The following NDUFAF6 variants were observed in gnomAD, a reference collection of about 807,000 sequenced individuals.
The protein encoded by NDUFAF6 is NADH:ubiquinone oxidoreductase complex assembly factor 6, also known as NADH dehydrogenase (ubiquinone) complex I, assembly factor 6.
A neutral mutation model predicts 40.8 loss-of-function variants in NDUFAF6; 45 were observed. That is an observed-to-expected ratio of 1.10 (90% CI 0.87 to 1.42). NDUFAF6 has a LOEUF of 1.42. Ranked by LOEUF, NDUFAF6 falls within the 40% of genes most tolerant of loss-of-function variation. The pLI, the probability that NDUFAF6 is intolerant of heterozygous loss-of-function variation, is 0.00. For missense variants in NDUFAF6, 435 were observed against 418.5 expected, an observed-to-expected ratio of 1.04 and a Z score of -0.34; for synonymous variants, 185 against 155.9, an observed-to-expected ratio of 1.19 and a Z score of -1.39.
chr8:95,031,711 G>A (rs548636299), intron 1 of NDUFAF6, among the ~76,000 whole-genome samples: 21 of 152,026 alleles, frequency 1.4e-4, no homozygotes, highest in African/African-American at 2.4e-4. Context: ...AGCAGTTCTC[G>A]GGCCTCAGCC....
At position 94,939,546 on chromosome 8, in the gene NDUFAF6, C is replaced by T. The variant is rs988159103; in HGVS notation, c.-935-5937C>T. The T allele has an allele frequency of 2.5e-5, 8 of 320,638 alleles. No individual in the cohort carries two copies. In the Admixed American group the frequency reaches 2.6e-4, roughly 10 times the overall value. 19.9% of individuals were successfully genotyped at this position (320,638 alleles called of 1,614,324 possible). On this transcript the variant is annotated intron_variant, in intron 1 of 14. Coordinates refer to the NDUFAF6 transcript ENST00000396113. ...GAGTAGCTGGGACTACAGGTGTGCA[C>T]CACCACACCTGGCTAATTTTTTGTT... is the stretch of plus-strand genomic sequence containing the variant.
intron 4 of NDUFAF6, among the ~76,000 whole-genome samples, chr8:95,043,661 A>G (rs1299922888): frequency 6.6e-6 from 1 of 152,210 alleles, no homozygotes; most frequent in Admixed American, 6.5e-5. Context: ...GAGAAATGCA[A>G]ATTGAAACAA....
Position 95,113,539 on chromosome 8 carries a change from C to T in NDUFAF6, n.345-1997C>T, listed in dbSNP as rs11990635. Among the ~76,000 whole-genome samples the T allele has an allele frequency of 2.4e-3, 370 of 152,286 alleles. 2 individuals carry two copies. Among genetic ancestry groups the T allele is most frequent in the African/African-American group, 8.4e-3 (349 of 41,556 alleles). ...CAGGTTCCGGGAGGTGAGAACTTGG[C>T]GGGATTTCTTAAGCCCTGAGGCTTT... On this transcript the variant is annotated intron_variant and non_coding_transcript_variant, in intron 4 of 5. Coordinates refer to the NDUFAF6 transcript ENST00000523184.
chr8:95,001,857 C>T (rs924308970), intron 2 of NDUFAF6, among the ~76,000 whole-genome samples: 3 of 152,192 alleles, frequency 2.0e-5, no homozygotes, highest in African/African-American at 4.8e-5. Flanking sequence ...GTGTGAGGAG[C>T]CTTGAGGGCC....
chr8:94,919,095 G>T (rs930634585), intron 1 of NDUFAF6, among the ~76,000 whole-genome samples: 4 of 152,132 alleles, frequency 2.6e-5, no homozygotes, highest in African/African-American at 9.7e-5. Flanking sequence ...CCAGCTTAAA[G>T]AACTTAGAAA....
chr8:94,998,752 C>T (rs677063), intron 2 of NDUFAF6, among the ~76,000 whole-genome samples: 152,170 of 152,316 alleles, frequency 1, 76,012 homozygotes, highest in Middle Eastern at 1. Flanking sequence ...TCTGGCTTTG[C>T]TCAGATGCTG....
intron 2 of NDUFAF6, among the ~76,000 whole-genome samples, chr8:94,999,590 T>G (rs1316066127): frequency 6.6e-6 from 1 of 152,020 alleles, no homozygotes; most frequent in Non-Finnish European, 1.5e-5. Context: ...CTAATTTTTA[T>G]ATTTTCAATA....
At chr8:95,052,100 G>A (rs1029033898) in intron 7 of NDUFAF6, 74 bp from the exon 8 acceptor site, 1 of 1,382,464 alleles carries the variant, frequency 7.2e-7, no homozygotes, top group Non-Finnish European at 1.0e-6. Flanking sequence ...TTGTTAAACT[G>A]CTGGTGTTGC....
chr8:95,110,912 T>G (rs975365622), intron 4 of NDUFAF6, among the ~76,000 whole-genome samples: 1 of 152,260 alleles, frequency 6.6e-6, no homozygotes. Context: ...TTTCCTATGC[T>G]GATTGGTAAA....
chr8:95,097,767 G>A (rs536971025), upstream of NDUFAF6, among the ~76,000 whole-genome samples: 1 of 152,308 alleles, frequency 6.6e-6, no homozygotes, highest in South Asian at 2.1e-4. Flanking sequence ...TGGCTCTTCA[G>A]TTGAAAATTA....
At chr8:94,909,799 C>T (rs13248101) in intron 1 of NDUFAF6, among the ~76,000 whole-genome samples, 1,383 of 23,844 alleles carry the variant, frequency 0.058, 15 homozygotes, top group African/African-American at 0.098. Context: ...TATATATATA[C>T]ACATATATAT....
At chr8:94,908,866 A>G (rs979289774) in intron 1 of NDUFAF6, among the ~76,000 whole-genome samples, 3 of 152,184 alleles carry the variant, frequency 2.0e-5, no homozygotes, top group African/African-American at 7.2e-5. Context: ...TTGACTCCTA[A>G]TTTTATATTT....
At chr8:95,019,919 C>A (rs1827620478) in intron 2 of NDUFAF6, among the ~76,000 whole-genome samples, 1 of 152,106 alleles carries the variant, frequency 6.6e-6, no homozygotes, top group African/African-American at 2.4e-5. Context: ...TAATTGAGGG[C>A]CAGGCATGAA....
At position 94,927,924 on chromosome 8, in the gene NDUFAF6, C is replaced by CAAAA. The variant is rs1820043685; in HGVS notation, c.-935-17559_-935-17558insAAAA. On this transcript the variant is annotated intron_variant, in intron 1 of 14. Coordinates refer to the NDUFAF6 transcript ENST00000396113. Reference sequence around the variant, plus strand: ...ATATTTACAATAGCAAAAAAAAAAGCTCATAAAATGCATTTTGGCCATGTT... The same window carrying CAAAA: ...ATATTTACAATAGCAAAAAAAAAAGCAAAATCATAAAATGCATTTTGGCCATGTT... 1.5e-5 allele frequency: 2 copies of CAAAA among 131,756 alleles called. 1 individual carries two copies. The highest frequency in any genetic ancestry group is 3.4e-5 in the Non-Finnish European group (2 of 59,426). The allele number at this position is 131,756 out of a possible 1,614,324, so 8.2% of individuals were successfully genotyped here. A position where few individuals can be genotyped will look rare whatever the true frequency, so the allele number is the denominator to read the frequency against.
chr8:95,065,818 G>A (rs529841306), intron 9 of NDUFAF6, among the ~76,000 whole-genome samples: 1 of 152,260 alleles, frequency 6.6e-6, no homozygotes, highest in East Asian at 1.9e-4. Context: ...AGTTTCATTT[G>A]CCTTTATTAT....
downstream of NDUFAF6, among the ~76,000 whole-genome samples, chr8:95,062,078 G>A (rs1200603692): frequency 6.6e-6 from 1 of 151,812 alleles, no homozygotes; most frequent in Non-Finnish European, 1.5e-5. Flanking sequence ...GATTGTTTGA[G>A]CACAGGAGGT....
At chr8:94,995,192 T>A (rs62523085) in intron 2 of NDUFAF6, among the ~76,000 whole-genome samples, 16,208 of 152,162 alleles carry the variant, frequency 0.11, 1,651 homozygotes, top group African/African-American at 0.27. Flanking sequence ...CCTCAAGAAC[T>A]TTGTGCTAAG....
At chr8:94,905,749 G>C (rs1208499701) in intron 1 of NDUFAF6, among the ~76,000 whole-genome samples, 1 of 152,080 alleles carries the variant, frequency 6.6e-6, no homozygotes, top group Non-Finnish European at 1.5e-5. Context: ...TCTCATCCAG[G>C]GTGAGTCTTC....
At chr8:94,897,612 C>G (rs1329788566) in intron 1 of NDUFAF6, among the ~76,000 whole-genome samples, 1 of 150,738 alleles carries the variant, frequency 6.6e-6, no homozygotes, top group African/African-American at 2.4e-5. Context: ...CTCCGACATT[C>G]ATTTTCAGGA....
Sources: allele counts gnomAD v4.1 joint callset (sites outside exome capture counted in the v4.1 genomes callset), GRCh38; gene constraint gnomAD v4.1.1; transcripts MANE v1.5; gene names NCBI Gene and HGNC (gene_info 2026-07-23, HGNC 2026-07-21).